ITPR3: variants seen among roughly 807,000 people sequenced by gnomAD.
ITPR3 encodes inositol 1,4,5-trisphosphate receptor type 3, also known as inositol 1,4,5-trisphosphate-gated calcium channel ITPR3.
A neutral mutation model predicts 293.2 loss-of-function variants in ITPR3; 173 were observed. That is an observed-to-expected ratio of 0.59 (90% CI 0.52 to 0.67). The LOEUF (loss-of-function observed/expected upper bound fraction) is 0.67, where lower values mean the gene tolerates loss of function less well. Among genes scored for constraint, ITPR3 ranks in the 30% least tolerant of loss-of-function variants. The probability of loss-of-function intolerance (pLI) is 0.00; values close to 1 mark genes in which losing one functional copy is unlikely to be tolerated. For missense variants in ITPR3, 2,796 were observed against 3,592.1 expected, an observed-to-expected ratio of 0.78 and a Z score of 5.66; for synonymous variants, 1,295 against 1,444.4, an observed-to-expected ratio of 0.90 and a Z score of 2.35.
chr6:33,648,066 C>CTTTTTTTTTTTTT (rs35776559), intron 2 of ITPR3, among the ~76,000 whole-genome samples: 1 of 130,434 alleles, frequency 7.7e-6, no homozygotes, highest in Non-Finnish European at 1.7e-5. Flanking sequence ...ATTTCTTTTT[C>CTTTTTTTTTTTTT]TTTTTTTTTT....
rs778513669 is a variant in ITPR3, at chr6:33,670,689, C to T, written c.2460C>T (p.Asn820=). 13 of 1,614,030 alleles carry T rather than the reference C, an allele frequency of 8.1e-6. No homozygotes were observed. Among genetic ancestry groups the T allele is most frequent in the Admixed American group, 1.7e-5 (1 of 60,008 alleles). Residue 820 remains asparagine, a synonymous_variant, in exon 20 of 58, where the codon AAC becomes AAT. Coordinates refer to ENST00000605930, the MANE Select transcript of ITPR3 (RefSeq NM_002224.4). The surrounding 1 kb of genome is among the most constrained non-coding windows in gnomAD (Gnocchi z 6.7). The part of the protein sequence containing the change: ...ITIKDYDSNL[N]ASRDDKKNKF... The stretch of plus-strand genomic sequence containing the variant: ...CCCTCAGCTATGATTCCAACCTCAA[C>T]GCGTCCCGAGATGACAAGAAGAACA...
chr6:33,674,118 A>G (rs1764841727), intron 23 of ITPR3, 90 bp from the exon 24 acceptor site: 4 of 1,466,230 alleles, frequency 2.7e-6, no homozygotes, highest in African/African-American at 1.4e-5. Context: ...CAGCCAGTGC[A>G]GGGAAGAGGG....
In ITPR3 at chr6:33,624,686, C is replaced by T. The variant is rs952008419; in HGVS notation, c.89+2995C>T. Among the ~76,000 whole-genome samples, 1 of 152,232 alleles carries T rather than the reference C, an allele frequency of 6.6e-6. No homozygotes were observed. The highest frequency in any genetic ancestry group is 2.4e-5 in the African/African-American group (1 of 41,458). ...AGGCTGATTTGACTGAATTCCTGGGCTAACCCAGTGCCCAGTGTGTGGGCC... is the reference window on the plus strand; with the variant it reads ...AGGCTGATTTGACTGAATTCCTGGGTTAACCCAGTGCCCAGTGTGTGGGCC... On this transcript the variant is annotated intron_variant, in intron 1 of 57. Coordinates refer to ENST00000605930, the MANE Select transcript of ITPR3 (RefSeq NM_002224.4). This position sits in a 1 kb window ranked among gnomAD's most constrained non-coding sequence, Gnocchi z 4.7.
Position 33,688,449 on chromosome 6 carries a change from G to A in ITPR3, c.6568+18G>A. The A allele has an allele frequency of 3.3e-6, 5 of 1,493,952 alleles. No individual in the cohort carries two copies. The highest frequency in any genetic ancestry group is 1.3e-5 in the South Asian group (1 of 75,154). The allele number at this position is 1,493,952 out of a possible 1,614,324, so 92.5% of individuals were successfully genotyped here. On this transcript the variant is annotated intron_variant, in intron 48 of 57. Coordinates refer to ENST00000605930, the MANE Select transcript of ITPR3 (RefSeq NM_002224.4). ...GCTCCGCAGTGAGGACCCACGGGCG[G>A]GAGGGTGGGGCGGTCTGGAGCTGTT...
chr6:33,654,452 T>C lies in ITPR3; in HGVS notation c.161-1314T>C, dbSNP rs1438822895. Among the ~76,000 whole-genome samples, 4 of 152,088 alleles carry C rather than the reference T, an allele frequency of 2.6e-5. No homozygotes were observed. Among genetic ancestry groups the C allele is most frequent in the Non-Finnish European group, 5.9e-5 (4 of 68,020 alleles). On this transcript the variant is annotated intron_variant, in intron 2 of 57. Coordinates refer to ENST00000605930, the MANE Select transcript of ITPR3 (RefSeq NM_002224.4). The surrounding 1 kb of genome is among the most constrained non-coding windows in gnomAD (Gnocchi z 4.1). ...CTTTTCTTTCTAGGAAGTTCTGTCT[T>C]CCTTGATCTTTGGTTCACTCTGTTT...
At chr6:33,645,124 G>C (rs2127237980) in intron 2 of ITPR3, among the ~76,000 whole-genome samples, 1 of 151,962 alleles carries the variant, frequency 6.6e-6, no homozygotes. Context: ...CCTGAGGTCA[G>C]GAGTTTGAGA....
chr6:33,640,832 C>A (rs779353605), intron 2 of ITPR3, among the ~76,000 whole-genome samples: 5 of 152,242 alleles, frequency 3.3e-5, no homozygotes, highest in African/African-American at 4.8e-5. Flanking sequence ...ATCCCCACAG[C>A]CACAGGGCTT....
In ITPR3 at chr6:33,667,423, C is replaced by T. The variant is rs1198551722; in HGVS notation, c.1713+133C>T. On this transcript the variant is annotated intron_variant, in intron 15 of 57. Transcript: ENST00000605930. This position sits in a 1 kb window ranked among gnomAD's most constrained non-coding sequence, Gnocchi z 4.4. Reference sequence around the variant, plus strand: ...CCAGTAGGGCACCAGACAGCAGGGCCGGGTTCATGGGAATGGGACCTGGCC... The same window carrying T: ...CCAGTAGGGCACCAGACAGCAGGGCTGGGTTCATGGGAATGGGACCTGGCC... 8 of 1,215,786 alleles carry T rather than the reference C, an allele frequency of 6.6e-6. No homozygotes were observed. The highest frequency in any genetic ancestry group is 7.8e-6 in the Non-Finnish European group (7 of 892,238). 75.3% of individuals were successfully genotyped at this position (1,215,786 alleles called of 1,614,324 possible). A position where few individuals can be genotyped will look rare whatever the true frequency, so the allele number is the denominator to read the frequency against.
chr6:33,651,845 C>A (rs1228996989), intron 2 of ITPR3, among the ~76,000 whole-genome samples: 1 of 152,206 alleles, frequency 6.6e-6, no homozygotes, highest in Non-Finnish European at 1.5e-5. Context: ...GGTACCATGA[C>A]CAGGGACAGG....
At chr6:33,674,084 G>T in intron 23 of ITPR3, 124 bp from the exon 24 acceptor site, 1 of 1,213,628 alleles carries the variant, frequency 8.2e-7, no homozygotes. Flanking sequence ...TTCCCAGAAA[G>T]GGGCAGGCAG....
At chr6:33,640,452 T>G in intron 1 of ITPR3, 32 bp from the exon 2 acceptor site, 1 of 1,606,332 alleles carries the variant, frequency 6.2e-7, no homozygotes, top group Non-Finnish European at 8.5e-7. Context: ...AGGTCTCTTC[T>G]CTCCTGCTGA....
chr6:33,677,176 C>A, intron 27 of ITPR3, 87 bp downstream of exon 27: 1 of 1,210,562 alleles, frequency 8.3e-7, no homozygotes, highest in South Asian at 1.2e-5. Flanking sequence ...GTGCCTCTCC[C>A]TGTGCTGGCC....
chr6:33,662,524 G>T lies in ITPR3; in HGVS notation c.712-4G>T. The T allele has an allele frequency of 6.3e-7, 1 of 1,583,566 alleles. No individual in the cohort carries two copies. The highest frequency in any genetic ancestry group is 8.6e-7 in the Non-Finnish European group (1 of 1,167,386). On this transcript the variant is annotated splice_polypyrimidine_tract_variant and splice_region_variant and intron_variant, in intron 7 of 57. Transcript: ENST00000605930. Reference sequence around the variant, plus strand: ...CATCCTGAGCCACACCCTGCTGCCTGCAGGGAGACGTGGTGCGGCTGTTCC... The same window carrying T: ...CATCCTGAGCCACACCCTGCTGCCTTCAGGGAGACGTGGTGCGGCTGTTCC...
In ITPR3 at chr6:33,666,012, G is replaced by A. The variant is rs772826015; in HGVS notation, c.1551+36G>A. 1.5e-5 allele frequency: 24 copies of A among 1,553,406 alleles called. No homozygotes were observed. Among genetic ancestry groups the A allele is most frequent in the Middle Eastern group, 1.7e-4 (1 of 5,716 alleles). On this transcript the variant is annotated intron_variant, in intron 14 of 57. Transcript: ENST00000605930. This position sits in a 1 kb window ranked among gnomAD's most constrained non-coding sequence, Gnocchi z 5.1. The stretch of plus-strand genomic sequence containing the variant: ...ACCCATGAGGGGACGCAGAGGGGCC[G>A]GGTGCCCGGGAGAGGGATGCCTTCA...
Position 33,686,554 on chromosome 6 carries a change from G to GTGCATGTGATGTGCA in ITPR3, c.5979+43_5979+57dup, listed in dbSNP as rs1349012384. ...AGTGGCAGGTGTGTGAGTGCTGGGTGTGCATGTGATGTGCATGCATGTATG... is the reference window on the plus strand; with the variant it reads ...AGTGGCAGGTGTGTGAGTGCTGGGTGTGCATGTGATGTGCATGCATGTGATGTGCATGCATGTATG... On this transcript the variant is annotated intron_variant, in intron 43 of 57. Transcript: ENST00000605930. The GTGCATGTGATGTGCA allele has an allele frequency of 2.0e-6, 3 of 1,488,740 alleles. No homozygotes were observed. The African/African-American group carries it at 4.2e-5, about 21-fold the overall frequency. The allele number at this position is 1,488,740 out of a possible 1,614,324, so 92.2% of individuals were successfully genotyped here.
At chr6:33,663,111 G>C in intron 9 of ITPR3, 105 bp downstream of exon 9, 2 of 901,424 alleles carry the variant, frequency 2.2e-6, no homozygotes, top group African/African-American at 1.6e-5. Flanking sequence ...TGTGCCTATG[G>C]ACCCTGACTT....
At chr6:33,665,768 G>A (rs988670692) in intron 13 of ITPR3, 67 bp from the exon 14 acceptor site, 37 of 1,576,778 alleles carry the variant, frequency 2.3e-5, no homozygotes, top group Non-Finnish European at 3.2e-5. Flanking sequence ...GGAGGGACTG[G>A]CTCCCCAAGA....
At chr6:33,646,654 A>AT (rs200010324) in intron 2 of ITPR3, among the ~76,000 whole-genome samples, 6,847 of 152,090 alleles carry the variant, frequency 0.045, 201 homozygotes, top group East Asian at 0.13. Flanking sequence ...GTGGTGGCTC[A>AT]TGCCTGTAAT....
rs1249962912 is a variant in ITPR3 at position 33,655,634 on chromosome 6, C to G, written c.161-132C>G. The G allele has an allele frequency of 2.5e-6, 3 of 1,216,030 alleles. No homozygotes were observed. The highest frequency in any genetic ancestry group is 1.5e-5 in the African/African-American group (1 of 66,464). 75.3% of individuals were successfully genotyped at this position (1,216,030 alleles called of 1,614,324 possible). ...TCTGTGAGGTTCTTCCAACCGCTTCCTCTCTACCTGCAGCGGGGAACGGGG... is the reference window on the plus strand; with the variant it reads ...TCTGTGAGGTTCTTCCAACCGCTTCGTCTCTACCTGCAGCGGGGAACGGGG... On this transcript the variant is annotated intron_variant, in intron 2 of 57. Coordinates refer to ENST00000605930, the MANE Select transcript of ITPR3 (RefSeq NM_002224.4). The surrounding 1 kb of genome is among the most constrained non-coding windows in gnomAD (Gnocchi z 4.9).
Sources: gnomAD v4.1 joint callset for allele counts (sites outside exome capture counted in the v4.1 genomes callset) on GRCh38, gnomAD v4.1.1 for gene constraint, Gnocchi (gnomAD v3.1) non-coding constraint, MANE v1.5 for transcripts, NCBI Gene and HGNC (gene_info 2026-07-23, HGNC 2026-07-21) for gene names.